Variants in TASP1 observed in about 807,000 individuals in gnomAD.
TASP1 encodes threonine aspartase 1.
In TASP1, 16 loss-of-function variants were observed where a neutral mutation model predicts 56.6. That is an observed-to-expected ratio of 0.28 (90% CI 0.19 to 0.43). TASP1 has a LOEUF of 0.43. Among genes scored for constraint, TASP1 ranks in the 20% least tolerant of loss-of-function variants. TASP1 has a pLI of 1.00. For missense variants in TASP1, 393 were observed against 511.6 expected (o/e 0.77, Z 2.24); for synonymous variants, 179 against 184.2 (o/e 0.97, Z 0.23).
the TASP1 span, among the ~76,000 whole-genome samples, chr20:13,268,010 A>G: frequency 6.6e-6 from 1 of 152,240 alleles, no homozygotes; most frequent in African/African-American, 2.4e-5. Flanking sequence ...GTTGGAGATT[A>G]AGGGAAAAAA....
intron 4 of TASP1, among the ~76,000 whole-genome samples, chr20:13,611,458 TAG>T (rs1318513548): frequency 6.6e-6 from 1 of 152,234 alleles, no homozygotes; most frequent in Non-Finnish European, 1.5e-5. Context: ...TTGAAAAGTC[TAG>T]TTTGATTTGA....
intron 12 of TASP1, among the ~76,000 whole-genome samples, chr20:13,427,149 G>A (rs529149014): frequency 6.6e-6 from 1 of 152,310 alleles, no homozygotes; most frequent in African/African-American, 2.4e-5. Flanking sequence ...CTCCTTTGAA[G>A]TACATGTGTT....
At chr20:13,481,903 TGGAGAAG>T (rs1197697121) in intron 11 of TASP1, among the ~76,000 whole-genome samples, 22 of 152,154 alleles carry the variant, frequency 1.4e-4, no homozygotes, top group Admixed American at 4.6e-4. Context: ...CCCTTTGCTA[TGGAGAAG>T]CTTTTTAACT....
intron 7 of TASP1, among the ~76,000 whole-genome samples, chr20:13,566,057 A>C (rs2046517523): frequency 6.6e-6 from 1 of 152,232 alleles, no homozygotes; most frequent in Non-Finnish European, 1.5e-5. Flanking sequence ...ATGAACCTTG[A>C]AGAAGTCATG....
the TASP1 span, among the ~76,000 whole-genome samples, chr20:13,119,055 A>G: frequency 2.0e-5 from 3 of 152,186 alleles, no homozygotes; most frequent in African/African-American, 7.2e-5. Context: ...ATTCAGCTAA[A>G]TCTGGTGAAA....
chr20:13,484,675 G>A (rs958237763), intron 10 of TASP1, among the ~76,000 whole-genome samples: 4 of 150,120 alleles, frequency 2.7e-5, no homozygotes, highest in Non-Finnish European at 5.9e-5. Context: ...GGCGGAGTTT[G>A]CTGTGAGCTG....
the TASP1 span, chr20:13,299,769 C>T: frequency 3.6e-6 from 1 of 274,996 alleles, no homozygotes; most frequent in Non-Finnish European, 6.9e-6. This position sits in a 1 kb window ranked among gnomAD's most constrained non-coding sequence, Gnocchi z 5.8. Context: ...CAATTCACAC[C>T]CGGATCCAGA....
chr20:13,232,193 T>C, the TASP1 span, among the ~76,000 whole-genome samples: 20 of 152,214 alleles, frequency 1.3e-4, no homozygotes, highest in Non-Finnish European at 1.5e-4. Flanking sequence ...TGACAACTAA[T>C]AAACTGTACA....
the TASP1 span, chr20:13,279,946 G>A: frequency 1.9e-6 from 3 of 1,564,244 alleles, no homozygotes; most frequent in Non-Finnish European, 2.6e-6. Flanking sequence ...GAATAAACGA[G>A]GATGATGCCT....
chr20:13,458,096 T>G (rs905457182), intron 11 of TASP1, among the ~76,000 whole-genome samples: 5 of 152,138 alleles, frequency 3.3e-5, no homozygotes, highest in African/African-American at 9.7e-5. Flanking sequence ...GAGTACAAAA[T>G]ATAGTCAAGA....
intron 10 of TASP1, among the ~76,000 whole-genome samples, chr20:13,502,617 G>A (rs906224173): frequency 6.6e-6 from 1 of 152,010 alleles, no homozygotes; most frequent in African/African-American, 2.4e-5. Context: ...CCATGGAGAA[G>A]AATTTGTGAC....
chr20:13,143,861 C>G, the TASP1 span, among the ~76,000 whole-genome samples: 1 of 152,230 alleles, frequency 6.6e-6, no homozygotes, highest in East Asian at 1.9e-4. Context: ...CAAATTGGAA[C>G]AGTTGTCGAC....
At chr20:13,588,308 AG>A (rs2047393245) in intron 4 of TASP1, among the ~76,000 whole-genome samples, 48 of 113,304 alleles carry the variant, frequency 4.2e-4, no homozygotes, top group African/African-American at 1.5e-3. Flanking sequence ...GAAGGAAGGA[AG>A]AGAAAGAAAA....
At chr20:13,354,015 T>A in the TASP1 span, among the ~76,000 whole-genome samples, 5 of 152,280 alleles carry the variant, frequency 3.3e-5, no homozygotes, top group East Asian at 9.7e-4. Flanking sequence ...AGGTGATGCA[T>A]CTATGAGACA....
chr20:13,393,048 T>C, intron 13 of TASP1: 1 of 591,282 alleles, frequency 1.7e-6, no homozygotes, highest in Non-Finnish European at 3.1e-6. Context: ...CTGCTGCCTC[T>C]GCTGAGGCCC....
the TASP1 span, chr20:13,168,385 G>C: frequency 2.6e-5 from 4 of 152,086 alleles, no homozygotes; most frequent in Non-Finnish European, 5.9e-5. Context: ...GTTTTTCCCT[G>C]TTGGTCAGGC....
chr20:13,208,531 A>T, the TASP1 span, among the ~76,000 whole-genome samples: 20 of 152,218 alleles, frequency 1.3e-4, no homozygotes, highest in African/African-American at 4.8e-4. Flanking sequence ...CACCTGTATA[A>T]GTCTTCCTAT....
At chr20:13,279,801 T>C in the TASP1 span, 2 of 1,613,994 alleles carry the variant, frequency 1.2e-6, no homozygotes, top group Non-Finnish European at 1.7e-6. Flanking sequence ...AGTACGACAG[T>C]ACCTCAGACG....
intron 10 of TASP1, among the ~76,000 whole-genome samples, chr20:13,500,424 G>C (rs1470369862): frequency 6.6e-6 from 1 of 150,878 alleles, no homozygotes; most frequent in Non-Finnish European, 1.5e-5. Context: ...GTAAGAAATA[G>C]TGTGACTGGG....
Sources: allele counts gnomAD v4.1 joint callset (sites outside exome capture counted in the v4.1 genomes callset), GRCh38; gene constraint gnomAD v4.1.1; non-coding constraint Gnocchi (gnomAD v3.1); transcripts MANE v1.5; gene names NCBI Gene and HGNC (gene_info 2026-07-23, HGNC 2026-07-21).